The following PES1 variants were observed in gnomAD, a reference collection of about 807,000 sequenced individuals.
PES1 encodes pescadillo homolog.
A neutral mutation model predicts 77.1 loss-of-function variants in PES1; 31 were observed. The observed-to-expected ratio is 0.40, with a 90% CI of 0.30 to 0.54. The LOEUF is 0.54. Among genes scored for constraint, PES1 ranks in the 20% least tolerant of loss-of-function variants. The probability of loss-of-function intolerance (pLI) is 0.45; values close to 1 mark genes in which losing one functional copy is unlikely to be tolerated. For missense variants in PES1, 658 were observed against 771.7 expected (o/e 0.85, Z 1.75); for synonymous variants, 282 against 303.0 (o/e 0.93, Z 0.72).
At position 30,576,871 on chromosome 22, in the gene PES1, C is replaced by T; in HGVS notation, c.*175G>A. 3.2e-6 allele frequency: 2 copies of T among 619,990 alleles called. No homozygotes were observed. Among genetic ancestry groups the T allele is most frequent in the Admixed American group, 2.8e-5 (1 of 35,946 alleles). The allele number at this position is 619,990 out of a possible 1,614,324, so 38.4% of individuals were successfully genotyped here. The stretch of plus-strand genomic sequence containing the variant: ...CCAGGCACCAGCAGGGCAGCTCCAT[C>T]CAAGGGAAGCGAGGGCTGCCCACTG... On this transcript the variant is annotated 3_prime_UTR_variant, in exon 15 of 15. Coordinates refer to ENST00000354694, the MANE Select transcript of PES1 (RefSeq NM_014303.4).
chr22:30,592,311 C>T (rs2087195212), upstream of PES1: 1 of 991,496 alleles, frequency 1.0e-6, no homozygotes, highest in Admixed American at 6.1e-5. Context: ...GCTGCCGCTG[C>T]TGAGAAGCGG....
rs184908981 is a variant in PES1, at chr22:30,602,800, T to G, written c.-661+2661A>C. On this transcript the variant is annotated intron_variant, in intron 2 of 16. Coordinates refer to the PES1 transcript ENST00000402281. ...TTAATTTTTTGTGAAAGGTGTATGT[T>G]TAGGTTGATTTGTTTTGCATATAGA... Among the ~76,000 whole-genome samples the G allele has an allele frequency of 2.9e-3, 442 of 152,324 alleles. 1 individual carries two copies. Among genetic ancestry groups the G allele is most frequent in the African/African-American group, 9.6e-3 (397 of 41,564 alleles).
At chr22:30,587,977 G>A (rs770006916) in intron 3 of PES1, 44 bp downstream of exon 3, 1 of 1,598,536 alleles carries the variant, frequency 6.3e-7, no homozygotes, top group Non-Finnish European at 8.6e-7. Context: ...GTGGGTCACA[G>A]AGCTGCGATG....
At chr22:30,598,885 A>AAT (rs1555892987) in intron 2 of PES1, among the ~76,000 whole-genome samples, 12 of 51,218 alleles carry the variant, frequency 2.3e-4, no homozygotes, top group African/African-American at 8.6e-4. Context: ...CTTAAGTAAA[A>AAT]TTTTTTTTTT....
At chr22:30,586,977 C>T (rs2087100853) in intron 4 of PES1, 2 of 334,752 alleles carry the variant, frequency 6.0e-6, no homozygotes, top group Non-Finnish European at 1.1e-5. Flanking sequence ...AGGTACCCGT[C>T]GTGCCTTCAT....
rs758555699 is a variant in PES1 at position 30,589,280 on chromosome 22, G to T, written c.25-10C>A. On this transcript the variant is annotated splice_polypyrimidine_tract_variant and intron_variant, in intron 1 of 14. Transcript: ENST00000354694. ...CCGAGCCTCGTTCATACTGGGAGAGGAAAAAAACAATTCTCCATTAGCAAT... is the reference window on the plus strand; with the variant it reads ...CCGAGCCTCGTTCATACTGGGAGAGTAAAAAAACAATTCTCCATTAGCAAT... 1.2e-6 allele frequency: 2 copies of T among 1,607,562 alleles called. No homozygotes were observed. The highest frequency in any genetic ancestry group is 1.7e-6 in the Non-Finnish European group (2 of 1,176,126).
chr22:30,585,131 C>T (rs2087058927), intron 4 of PES1: 2 of 396,226 alleles, frequency 5.0e-6, no homozygotes, highest in Non-Finnish European at 1.0e-5. Context: ...CCTGGTGGAG[C>T]AGGGAGCGGG....
chr22:30,587,471 C>T (rs990347308), intron 3 of PES1, 76 bp from the exon 4 acceptor site: 16 of 1,135,980 alleles, frequency 1.4e-5, no homozygotes, highest in South Asian at 6.4e-5. Flanking sequence ...AAGATGGAAA[C>T]GCAGGGCAGA....
Position 30,584,691 on chromosome 22 carries a change from C to T in PES1, c.395G>A (p.Arg132Gln), listed in dbSNP as rs151140253. The change falls in exon 5 of 15, where the codon CGG becomes CAG. Residue 132 changes from arginine (R) to glutamine (Q), a missense_variant. Arg to Gln is a conservative substitution (Grantham distance 43). Transcript: ENST00000354694. ...CATGGAGAGGGCATCGTCCAGGTCC[C>T]GCAGGGCATCGATGAACGTGGGATA... ...ERYPTFIDAL[R>Q]DLDDALSMCF... The T allele has an allele frequency of 7.4e-6, 12 of 1,613,700 alleles. No homozygotes were observed. Among genetic ancestry groups the T allele is most frequent in the Admixed American group, 1.7e-5 (1 of 60,008 alleles).
chr22:30,584,761 GT>G (rs778105357), intron 4 of PES1, 44 bp from the exon 5 acceptor site: 98 of 1,597,850 alleles, frequency 6.1e-5, no homozygotes, highest in Non-Finnish European at 8.3e-5. Flanking sequence ...TTCAGCGTGG[GT>G]GCCAAGGGGG....
intron 1 of PES1, 71 bp from the exon 2 acceptor site, chr22:30,589,341 T>G: frequency 2.4e-6 from 3 of 1,234,948 alleles, no homozygotes; most frequent in African/African-American, 1.5e-5. Context: ...TGGGCATGCC[T>G]AGTTCCAGAG....
At chr22:30,599,429 C>T (rs558959667) in intron 2 of PES1, among the ~76,000 whole-genome samples, 9 of 152,022 alleles carry the variant, frequency 5.9e-5, no homozygotes, top group Non-Finnish European at 1.3e-4. Flanking sequence ...ATAAATATGA[C>T]TAATTTAATA....
intron 14 of PES1, among the ~76,000 whole-genome samples, chr22:30,578,526 C>A (rs974760735): frequency 1.3e-5 from 2 of 152,148 alleles, no homozygotes; most frequent in Admixed American, 1.3e-4. Context: ...AGCTCCCCCC[C>A]GCCACCCCCG....
intron 2 of PES1, among the ~76,000 whole-genome samples, chr22:30,598,768 G>T (rs1276238839): frequency 6.6e-6 from 1 of 151,368 alleles, no homozygotes; most frequent in Non-Finnish European, 1.5e-5. Context: ...TATGTGGTTA[G>T]ATGTGTTTAC....
At chr22:30,596,365 T>C (rs1036089337), upstream of PES1, among the ~76,000 whole-genome samples, 11 of 151,924 alleles carry the variant, frequency 7.2e-5, no homozygotes, top group Admixed American at 6.6e-5. Context: ...TGCGTGTGTA[T>C]ATGGATATGG....
intron 2 of PES1, among the ~76,000 whole-genome samples, chr22:30,598,047 C>T (rs1020797856): frequency 6.6e-6 from 1 of 152,154 alleles, no homozygotes; most frequent in Admixed American, 6.5e-5. Flanking sequence ...CTACGCCCGG[C>T]TAGTTTTTTG....
At chr22:30,577,222 C>T in intron 14 of PES1, 93 bp from the exon 15 acceptor site, 1 of 1,090,772 alleles carries the variant, frequency 9.2e-7, no homozygotes, top group South Asian at 1.3e-5. Context: ...AAAAGCAGAG[C>T]TTCAAGAAAA....
At chr22:30,596,871 G>A (rs770654106), upstream of PES1, among the ~76,000 whole-genome samples, 27 of 152,212 alleles carry the variant, frequency 1.8e-4, no homozygotes, top group Non-Finnish European at 2.8e-4. Context: ...GGAGAGGCAC[G>A]GGCAGGAACC....
chr22:30,606,872 G>A (rs2087457799), exon 1 of PES1: 3 of 1,034,272 alleles, frequency 2.9e-6, no homozygotes, highest in Non-Finnish European at 3.5e-6. Context: ...CACTACCAGG[G>A]GCTCCTTTGG....
Sources: gnomAD v4.1 joint callset for allele counts (sites outside exome capture counted in the v4.1 genomes callset) on GRCh38, gnomAD v4.1.1 for gene constraint, MANE v1.5 for transcripts, NCBI Gene and HGNC (gene_info 2026-07-23, HGNC 2026-07-21) for gene names.